Variants in LSM2 observed in about 807,000 individuals in gnomAD.
LSM2 encodes U6 snRNA-associated Sm-like protein LSm2.
LSM2 carries 12 observed loss-of-function variants against 17.0 expected under a neutral mutation model. The ratio of observed to expected loss-of-function variants is 0.70; its 90% CI spans 0.45 to 1.14. LSM2 has a LOEUF of 1.14. Among genes scored for constraint, LSM2 ranks in the 50% most tolerant of loss-of-function variants. The pLI is 0.00. For missense variants in LSM2, 62 were observed against 111.8 expected (o/e 0.55, Z 2.01); for synonymous variants, 42 against 44.5 (o/e 0.94, Z 0.22).
intron 2 of LSM2, among the ~76,000 whole-genome samples, chr6:31,799,570 A>G (rs1168336079): frequency 6.6e-6 from 1 of 151,090 alleles, no homozygotes; most frequent in Non-Finnish European, 1.5e-5. Context: ...GTTAGCCAGG[A>G]TGGTCTCGAT....
intron 2 of LSM2, among the ~76,000 whole-genome samples, chr6:31,800,659 G>A (rs1262807759): frequency 2.0e-5 from 3 of 152,102 alleles, no homozygotes; most frequent in East Asian, 1.9e-4. Flanking sequence ...AGGCCGAGGC[G>A]GGTGGATCAC....
intron 2 of LSM2, among the ~76,000 whole-genome samples, chr6:31,799,681 G>C (rs1814585598): frequency 6.8e-6 from 1 of 147,226 alleles, no homozygotes; most frequent in Non-Finnish European, 1.5e-5. Flanking sequence ...TGTAGAGAAA[G>C]GGTCTCACTG....
In LSM2 at chr6:31,797,832, C is replaced by T; in HGVS notation, c.213G>A (p.Gln71=). Residue 71 remains glutamine (Q), a synonymous_variant, in exon 5 of 5, where the codon CAG becomes CAA. Transcript: ENST00000375661. ...FIRGSVVRYV[Q]LPADEVDTQL... is the part of the protein sequence containing the mutation. Reference sequence around the variant, plus strand: ...GTGTGTCGACCTCATCTGCTGGCAGCTGCACGTATCGGACCACTGAGCCCC... The same window carrying T: ...GTGTGTCGACCTCATCTGCTGGCAGTTGCACGTATCGGACCACTGAGCCCC... 3 of 1,613,036 alleles carry T rather than the reference C, an allele frequency of 1.9e-6. No homozygotes were observed. The highest frequency in any genetic ancestry group is 2.5e-6 in the Non-Finnish European group (3 of 1,180,036).
At chr6:31,801,919 T>C (rs992468062) in intron 2 of LSM2, among the ~76,000 whole-genome samples, 6 of 152,058 alleles carry the variant, frequency 3.9e-5, no homozygotes, top group African/African-American at 1.4e-4. Flanking sequence ...GAGGATCACT[T>C]GAGTCCAGGA....
At position 31,806,064 on chromosome 6, in the gene LSM2, C is replaced by G; in HGVS notation, c.71+11G>C. On this transcript the variant is annotated intron_variant, in intron 2 of 4. Coordinates refer to ENST00000375661, the MANE Select transcript of LSM2 (RefSeq NM_021177.5). ...CCCACCCCCAACAGACTTGTTGGAA[C>G]AGGTACCTACCTCAGGTCATTCTTT... is the stretch of plus-strand genomic sequence containing the variant. 2 of 1,612,634 alleles carry G rather than the reference C, an allele frequency of 1.2e-6. No individual in the cohort carries two copies. Among genetic ancestry groups the G allele is most frequent in the Non-Finnish European group, 1.7e-6 (2 of 1,179,638 alleles).
intron 1 of LSM2, 175 bp downstream of exon 1, chr6:31,806,580 A>G: frequency 1.1e-6 from 1 of 899,076 alleles, no homozygotes; most frequent in Non-Finnish European, 1.8e-6. Flanking sequence ...CATCATGGAA[A>G]AAATATCCCA....
intron 2 of LSM2, among the ~76,000 whole-genome samples, chr6:31,802,301 T>C (rs1020180417): frequency 5.8e-5 from 8 of 138,688 alleles, no homozygotes; most frequent in Non-Finnish European, 1.1e-4. Flanking sequence ...AATAAATAAA[T>C]AGAAAAAAAA....
intron 2 of LSM2, among the ~76,000 whole-genome samples, chr6:31,803,380 T>C (rs1207475758): frequency 5.3e-5 from 8 of 152,010 alleles, no homozygotes; most frequent in Admixed American, 5.2e-4. Context: ...AATTAAAAAA[T>C]TAGCTGGGCA....
chr6:31,804,232 G>A (rs1229875428), intron 2 of LSM2, among the ~76,000 whole-genome samples: 1 of 151,852 alleles, frequency 6.6e-6, no homozygotes, highest in East Asian at 1.9e-4. Context: ...ATGGTGGTGG[G>A]CACTTGTAAT....
intron 2 of LSM2, among the ~76,000 whole-genome samples, chr6:31,804,783 TTG>T (rs1343764586): frequency 7.0e-6 from 1 of 142,462 alleles, no homozygotes; most frequent in Non-Finnish European, 1.5e-5. Flanking sequence ...TTTTTTTTTT[TTG>T]AGACGGAGTC....
Position 31,806,894 on chromosome 6 carries a change from G to C in LSM2, c.-137C>G. On this transcript the variant is annotated 5_prime_UTR_variant, in exon 1 of 5. Coordinates refer to ENST00000375661, the MANE Select transcript of LSM2 (RefSeq NM_021177.5). ...GGCGCAGCGGGAAGCGACGCAGAAAGCTCCAAGCGCTGACGGGCAAAGCGC... is the reference window on the plus strand; with the variant it reads ...GGCGCAGCGGGAAGCGACGCAGAAACCTCCAAGCGCTGACGGGCAAAGCGC... 3 of 1,196,542 alleles carry C rather than the reference G, an allele frequency of 2.5e-6. No individual in the cohort carries two copies. Among genetic ancestry groups the C allele is most frequent in the African/African-American group, 1.6e-5 (1 of 62,296 alleles). The allele number at this position is 1,196,542 out of a possible 1,614,324, so 74.1% of individuals were successfully genotyped here.
chr6:31,806,798 G>C lies in LSM2; in HGVS notation c.-41C>G. 6.2e-7 allele frequency: 1 copy of C among 1,602,586 alleles called. No homozygotes were observed. Among genetic ancestry groups the C allele is most frequent in the Non-Finnish European group, 8.5e-7 (1 of 1,175,906 alleles). On this transcript the variant is annotated 5_prime_UTR_variant, in exon 1 of 5. Transcript: ENST00000375661. ...GGCAGCGGGCCGGACCGGGAAGACA[G>C]CAGGGTGCTGCGAGCAGGTCTGGGG...
At chr6:31,800,658 C>T (rs1219758426) in intron 2 of LSM2, among the ~76,000 whole-genome samples, 6 of 151,930 alleles carry the variant, frequency 3.9e-5, no homozygotes, top group South Asian at 2.1e-4. Context: ...GAGGCCGAGG[C>T]GGGTGGATCA....
intron 2 of LSM2, among the ~76,000 whole-genome samples, chr6:31,803,869 C>T (rs1027734077): frequency 3.9e-4 from 59 of 151,922 alleles, no homozygotes; most frequent in African/African-American, 1.4e-3. Flanking sequence ...TATGAGCCAC[C>T]GCATCTGGCC....
rs139706229 is a variant in LSM2, at chr6:31,806,225, G to A, written c.4-83C>T. 1.0e-3 allele frequency: 1,352 copies of A among 1,290,162 alleles called. 22 individuals are homozygous for A. The highest frequency in any genetic ancestry group is 9.7e-3 in the South Asian group (793 of 81,834). The allele number at this position is 1,290,162 out of a possible 1,614,324, so 79.9% of individuals were successfully genotyped here. ...TCCTTTGACAGTATTACCAAATACT[G>A]GTATTGTGAACCCCACTGCATCCCT... On this transcript the variant is annotated intron_variant, in intron 1 of 4. Coordinates refer to ENST00000375661, the MANE Select transcript of LSM2 (RefSeq NM_021177.5).
intron 4 of LSM2, 50 bp from the exon 5 acceptor site, chr6:31,797,932 C>A: frequency 6.2e-7 from 1 of 1,612,662 alleles, no homozygotes; most frequent in Admixed American, 1.7e-5. Flanking sequence ...TGTCCTCTAA[C>A]CACCCAGGGG....
Position 31,799,876 on chromosome 6 carries a change from G to C in LSM2, c.72-1369C>G, listed in dbSNP as rs184637418. On this transcript the variant is annotated intron_variant, in intron 2 of 4. Coordinates refer to ENST00000375661, the MANE Select transcript of LSM2 (RefSeq NM_021177.5). ...TGCTATCAAAACACCAGTGCTCTTT[G>C]AGAGAATGGTGCAAAAATTTAAAAA... Among the ~76,000 whole-genome samples, 101 of 151,950 alleles carry C rather than the reference G, an allele frequency of 6.6e-4. 1 individual carries two copies. Among genetic ancestry groups the C allele is most frequent in the Admixed American group, 5.2e-3 (79 of 15,250 alleles).
At chr6:31,803,105 C>T (rs1814814201) in intron 2 of LSM2, among the ~76,000 whole-genome samples, 1 of 152,164 alleles carries the variant, frequency 6.6e-6, no homozygotes, top group African/African-American at 2.4e-5. Flanking sequence ...CTATACACAT[C>T]AATATCACTT....
intron 2 of LSM2, 143 bp downstream of exon 2, chr6:31,805,932 A>G: frequency 1.4e-6 from 1 of 709,654 alleles, no homozygotes; most frequent in Non-Finnish European, 2.4e-6. Flanking sequence ...CTGGGATTAC[A>G]GGCTTGAGCC....
Sources: gnomAD v4.1 joint callset for allele counts (sites outside exome capture counted in the v4.1 genomes callset) on GRCh38, gnomAD v4.1.1 for gene constraint, MANE v1.5 for transcripts, NCBI Gene and HGNC (gene_info 2026-07-23, HGNC 2026-07-21) for gene names.